Variants in WNK1 observed in about 807,000 individuals in gnomAD.
WNK1 encodes WNK lysine deficient protein kinase 1, also known as serine/threonine-protein kinase WNK1.
WNK1 carries 38 observed loss-of-function variants against 222.8 expected under a neutral mutation model. That is an observed-to-expected ratio of 0.17 (90% CI 0.13 to 0.22). The LOEUF (loss-of-function observed/expected upper bound fraction) is 0.22, where lower values mean the gene tolerates loss of function less well. WNK1 is among the 10% of genes least tolerant of loss of function. WNK1 has a pLI of 1.00. For missense variants in WNK1, 2,348 were observed against 2,918.4 expected (o/e 0.80, Z 4.50); for synonymous variants, 1,090 against 1,092.9 (o/e 1.00, Z 0.05).
chr12:878,379 T>TA lies in WNK1; in HGVS notation c.2373+18_2373+19insA. 6.2e-7 allele frequency: 1 copy of TA among 1,612,162 alleles called. No individual in the cohort carries two copies. The highest frequency in any genetic ancestry group is 1.1e-5 in the South Asian group (1 of 90,918). ...GAAAACAGGTAAACTTTTTTTTTTT[T>TA]TTTAAACAGGTAAACTCTTAATTTC... On this transcript the variant is annotated intron_variant, in intron 10 of 27. Coordinates refer to ENST00000315939, the MANE Select transcript of WNK1 (RefSeq NM_018979.4).
At chr12:812,383 T>G (rs113072932) in intron 1 of WNK1, among the ~76,000 whole-genome samples, 1 of 152,346 alleles carries the variant, frequency 6.6e-6, no homozygotes, top group African/African-American at 2.4e-5. Context: ...CAAGTCACTA[T>G]GCTAGGTTGT....
rs773325378 is a variant in WNK1, at chr12:900,684, C to G, written c.6643+14C>G. On this transcript the variant is annotated intron_variant, in intron 26 of 27. Coordinates refer to ENST00000315939, the MANE Select transcript of WNK1 (RefSeq NM_018979.4). Reference sequence around the variant, plus strand: ...CTCCAGGTCAAGGTAATAAAGCAACCATCATCGTCCAAAAACAATAAAATG... The same window carrying G: ...CTCCAGGTCAAGGTAATAAAGCAACGATCATCGTCCAAAAACAATAAAATG... 6.2e-7 allele frequency: 1 copy of G among 1,614,060 alleles called. No homozygotes were observed. The highest frequency in any genetic ancestry group is 8.5e-7 in the Non-Finnish European group (1 of 1,179,924).
chr12:766,658 T>C (rs1941738637), intron 1 of WNK1, among the ~76,000 whole-genome samples: 1 of 151,994 alleles, frequency 6.6e-6, no homozygotes. Flanking sequence ...TTTGTTTTTT[T>C]AGTAGAGACG....
chr12:890,573 A>G, intron 22 of WNK1, 60 bp downstream of exon 22: 1 of 1,585,766 alleles, frequency 6.3e-7, no homozygotes. Context: ...TAGTTGATTC[A>G]GGAGGTTTAC....
At chr12:816,699 C>T (rs949702936) in intron 2 of WNK1, among the ~76,000 whole-genome samples, 1 of 152,076 alleles carries the variant, frequency 6.6e-6, no homozygotes, top group African/African-American at 2.4e-5. Flanking sequence ...TGATCAGGAA[C>T]GGAAAGAAAA....
At position 877,910 on chromosome 12, in the gene WNK1, G is replaced by A. The variant is rs1952774817; in HGVS notation, c.2224-302G>A. ...ATGGGATGGGGAAAGGAACTGTCTG[G>A]ATATGTTATGTAAATGTCTTTGTAA... is the stretch of plus-strand genomic sequence containing the variant. On this transcript the variant is annotated intron_variant, in intron 9 of 27. Transcript: ENST00000315939. 5.7e-5 allele frequency: 23 copies of A among 405,644 alleles called. 1 individual carries two copies. Among genetic ancestry groups the A allele is most frequent in the South Asian group, 5.0e-4 (23 of 45,724 alleles). The allele number at this position is 405,644 out of a possible 1,614,324, so 25.1% of individuals were successfully genotyped here. A position where few individuals can be genotyped will look rare whatever the true frequency, so the allele number is the denominator to read the frequency against.
At chr12:843,302 C>A (rs1285418059) in intron 4 of WNK1, among the ~76,000 whole-genome samples, 1 of 152,078 alleles carries the variant, frequency 6.6e-6, no homozygotes, top group Non-Finnish European at 1.5e-5. Flanking sequence ...TTATTGAGGA[C>A]CCCAAAGAGC....
chr12:758,035 TAAAAAA>T (rs71051381), intron 1 of WNK1, among the ~76,000 whole-genome samples: 23 of 116,252 alleles, frequency 2.0e-4, no homozygotes, highest in Admixed American at 5.2e-4. Context: ...ACTCTGTCTC[TAAAAAA>T]AAAAAAAAAA....
Position 879,943 on chromosome 12 carries a change from T to C in WNK1, c.2744T>C (p.Leu915Pro), listed in dbSNP as rs752063279. 1.9e-6 allele frequency: 3 copies of C among 1,614,032 alleles called. No individual in the cohort carries two copies. The African/African-American group carries it at 4.0e-5, about 22-fold the overall frequency. The change falls in exon 11 of 28, where the codon CTA becomes CCA. Residue 915 changes from leucine (L) to proline (P), a missense_variant. By Grantham distance (98) the Leu-to-Pro change is moderately conservative (BLOSUM62 -3). Around this residue, in one of 13 missense-constraint regions of WNK1, gnomAD observed 547 missense variants for 558.3 expected, o/e 0.98. Transcript: ENST00000315939. ...CCAAGTCAGGTTCACCCACAGCTCC[T>C]ACAACCAGCAGTTCAGTCCATGGGA... ...QLPSQVHPQL[L>P]QPAVQSMGIP...
intron 8 of WNK1, chr12:867,755 A>G: frequency 1.7e-6 from 2 of 1,152,016 alleles, no homozygotes; most frequent in South Asian, 2.8e-5. Flanking sequence ...TATTAATTAT[A>G]AATTTAGTGT....
At chr12:890,390 G>A (rs775175077) in intron 21 of WNK1, 63 bp from the exon 22 acceptor site, 27 of 1,591,490 alleles carry the variant, frequency 1.7e-5, no homozygotes, top group African/African-American at 1.5e-4. Context: ...GAAAGGCAAC[G>A]AGGCAAAAGT....
chr12:890,813 C>G (rs778144776), intron 22 of WNK1, among the ~76,000 whole-genome samples: 1 of 152,144 alleles, frequency 6.6e-6, no homozygotes. Flanking sequence ...TTACTGATAA[C>G]CTCTTAGCTT....
At chr12:813,570 T>C in intron 1 of WNK1, 72 bp from the exon 2 acceptor site, 1 of 1,480,590 alleles carries the variant, frequency 6.8e-7, no homozygotes. Flanking sequence ...AATGTTTAAG[T>C]GTCTAAGATT....
chr12:908,883 C>T lies in WNK1; in HGVS notation c.*91C>T. 2 of 1,338,264 alleles carry T rather than the reference C, an allele frequency of 1.5e-6. No individual in the cohort carries two copies. The highest frequency in any genetic ancestry group is 2.1e-6 in the Non-Finnish European group (2 of 953,294). 82.9% of individuals were successfully genotyped at this position (1,338,264 alleles called of 1,614,324 possible). A position where few individuals can be genotyped will look rare whatever the true frequency, so the allele number is the denominator to read the frequency against. On this transcript the variant is annotated 3_prime_UTR_variant, in exon 28 of 28. Coordinates refer to ENST00000315939, the MANE Select transcript of WNK1 (RefSeq NM_018979.4). ...TGGGAAGTAGCCTATATACTAACTA[C>T]TAGTGCTGCATTTAACTGGTTATTT... is the stretch of plus-strand genomic sequence containing the variant.
intron 20 of WNK1, 97 bp downstream of exon 20, chr12:887,401 G>T: frequency 1.7e-6 from 2 of 1,193,818 alleles, no homozygotes; most frequent in Non-Finnish European, 2.5e-6. Context: ...TTGCCTATTT[G>T]TCTTTGACTT....
chr12:782,255 A>G (rs1943786863), intron 1 of WNK1, among the ~76,000 whole-genome samples: 1 of 152,204 alleles, frequency 6.6e-6, no homozygotes, highest in African/African-American at 2.4e-5. Context: ...AGGAAATAGT[A>G]TAGAAGTAGT....
rs11441896 is a variant in WNK1 at position 864,971 on chromosome 12, C to CA, written c.2139+2711dup. On this transcript the variant is annotated intron_variant, in intron 8 of 27. Coordinates refer to ENST00000315939, the MANE Select transcript of WNK1 (RefSeq NM_018979.4). ...TGCTATGTTGAGTTATAGCTCTCCTCAAAAAAAAAACTGACTTTGTGGAAT... is the reference window on the plus strand; with the variant it reads ...TGCTATGTTGAGTTATAGCTCTCCTCAAAAAAAAAAACTGACTTTGTGGAAT... The CA allele has an allele frequency of 0.56, 550,206 of 988,638 alleles. 93,156 individuals are homozygous for CA. The highest frequency in any genetic ancestry group is 0.59 in the East Asian group (20,463 of 34,392). The allele number at this position is 988,638 out of a possible 1,614,324, so 61.2% of individuals were successfully genotyped here. A position where few individuals can be genotyped will look rare whatever the true frequency, so the allele number is the denominator to read the frequency against.
intron 1 of WNK1, among the ~76,000 whole-genome samples, chr12:802,564 A>G (rs1011190717): frequency 7.2e-5 from 11 of 152,194 alleles, no homozygotes; most frequent in African/African-American, 2.7e-4. Context: ...CCCTGATACT[A>G]AACAAATCTG....
intron 1 of WNK1, among the ~76,000 whole-genome samples, chr12:767,440 A>G (rs570162848): frequency 6.6e-6 from 1 of 151,266 alleles, no homozygotes; most frequent in Admixed American, 6.6e-5. Flanking sequence ...TTTAGTAGAG[A>G]CGGGGTTTCA....
Sources: gnomAD v4.1 joint callset for allele counts (sites outside exome capture counted in the v4.1 genomes callset) on GRCh38, gnomAD v4.1.1 for gene constraint, gnomAD v4.1.1 regional missense constraint, MANE v1.5 for transcripts, NCBI Gene and HGNC (gene_info 2026-07-23, HGNC 2026-07-21) for gene names.